The following CHRM5 variants were observed in gnomAD, a reference collection of about 807,000 sequenced individuals.
CHRM5 encodes the protein cholinergic receptor muscarinic 5, also known as muscarinic acetylcholine receptor M5.
CHRM5 carries 18 observed loss-of-function variants against 39.0 expected under a neutral mutation model. The ratio of observed to expected loss-of-function variants is 0.46; its 90% CI spans 0.32 to 0.68. The LOEUF is 0.68. Among genes scored for constraint, CHRM5 ranks in the 30% least tolerant of loss-of-function variants. CHRM5 has a pLI of 0.04. For missense variants in CHRM5, 515 were observed against 651.1 expected, an observed-to-expected ratio of 0.79 and a Z score of 2.28; for synonymous variants, 241 against 246.3, an observed-to-expected ratio of 0.98 and a Z score of 0.20.
chr15:34,043,976 T>G (rs1048760703), intron 1 of CHRM5, among the ~76,000 whole-genome samples: 1 of 152,074 alleles, frequency 6.6e-6, no homozygotes, highest in Non-Finnish European at 1.5e-5. Context: ...TGTGATCACC[T>G]ACTTGGGGAC....
At position 34,063,290 on chromosome 15, in the gene CHRM5, C is replaced by T. The variant is rs139101467; in HGVS notation, c.573C>T (p.Pro191=). 832 of 1,614,144 alleles carry T rather than the reference C, an allele frequency of 5.2e-4. 4 individuals are homozygous for T. The African/African-American group carries it at 0.01, about 20-fold the overall frequency. Residue 191 remains proline (P), a synonymous_variant, in exon 3 of 3, where the codon CCC becomes CCT. Coordinates refer to ENST00000383263, the MANE Select transcript of CHRM5 (RefSeq NM_012125.4). This position sits in a 1 kb window ranked among gnomAD's most constrained non-coding sequence, Gnocchi z 4.1. ...DECQIQFLSE[P]TITFGTAIAA... ...GCCAGATCCAGTTTCTCTCTGAGCC[C>T]ACCATCACTTTTGGCACTGCCATTG...
chr15:33,988,781 C>T (rs1034741446), intron 1 of CHRM5, among the ~76,000 whole-genome samples: 1 of 152,234 alleles, frequency 6.6e-6, no homozygotes, highest in African/African-American at 2.4e-5. Flanking sequence ...AATGACCTTG[C>T]TCTATCCCAT....
chr15:33,976,603 C>A (rs1895900188), intron 1 of CHRM5, among the ~76,000 whole-genome samples: 1 of 152,030 alleles, frequency 6.6e-6, no homozygotes, highest in Non-Finnish European at 1.5e-5. Flanking sequence ...ATTTATATAT[C>A]TTTATTTAGG....
intron 1 of CHRM5, among the ~76,000 whole-genome samples, chr15:34,035,831 A>G (rs116060019): frequency 0.02 from 3,064 of 152,150 alleles, 111 homozygotes; most frequent in African/African-American, 0.065. Context: ...GTCTCACTCT[A>G]TTGCCCAGGC....
intron 1 of CHRM5, among the ~76,000 whole-genome samples, chr15:33,983,158 G>GTATA (rs775545239): frequency 0.14 from 18,610 of 136,208 alleles, 1,680 homozygotes; most frequent in South Asian, 0.26. Context: ...GTGTGTGTGT[G>GTATA]TATGTGTGTG....
chr15:34,003,137 T>C, intron 1 of CHRM5: 1 of 1,613,926 alleles, frequency 6.2e-7, no homozygotes, highest in Non-Finnish European at 8.5e-7. Context: ...TTAGAGACAA[T>C]CTTTCTTTTA....
At chr15:34,044,876 C>T (rs887834167) in intron 1 of CHRM5, among the ~76,000 whole-genome samples, 2 of 152,100 alleles carry the variant, frequency 1.3e-5, no homozygotes, top group African/African-American at 4.8e-5. Flanking sequence ...GGGTGAAACC[C>T]CGTCTCTTAA....
Position 33,992,967 on chromosome 15 carries a change from G to A in CHRM5, c.-408+23817G>A, listed in dbSNP as rs1035976954. Reference sequence around the variant, plus strand: ...GACCAAACTGCAGTCTGGTTATTTCGTTTTTATTTGTATCTCTAAAAATAG... The same window carrying A: ...GACCAAACTGCAGTCTGGTTATTTCATTTTTATTTGTATCTCTAAAAATAG... On this transcript the variant is annotated intron_variant, in intron 1 of 2. Transcript: ENST00000383263. Among the ~76,000 whole-genome samples the A allele has an allele frequency of 4.6e-5, 7 of 152,146 alleles. No homozygotes were observed. The South Asian group carries it at 6.2e-4, about 14-fold the overall frequency.
intron 1 of CHRM5, among the ~76,000 whole-genome samples, chr15:33,973,683 A>T (rs553112752): frequency 6.6e-6 from 1 of 152,330 alleles, no homozygotes; most frequent in African/African-American, 2.4e-5. Flanking sequence ...CTCTATAAAA[A>T]AATCTAAAAG....
chr15:33,973,719 T>G (rs1037779689), intron 1 of CHRM5, among the ~76,000 whole-genome samples: 1 of 152,208 alleles, frequency 6.6e-6, no homozygotes, highest in Non-Finnish European at 1.5e-5. Context: ...AATCTATTTA[T>G]ATAGTTGTCT....
chr15:33,997,452 G>C (rs944841618), intron 1 of CHRM5, among the ~76,000 whole-genome samples: 1 of 152,070 alleles, frequency 6.6e-6, no homozygotes, highest in African/African-American at 2.4e-5. Context: ...AAACTCCAAA[G>C]ACGAGGTCTC....
chr15:34,033,438 G>A (rs879633771), intron 1 of CHRM5, among the ~76,000 whole-genome samples: 5 of 151,750 alleles, frequency 3.3e-5, no homozygotes, highest in Non-Finnish European at 5.9e-5. Flanking sequence ...CCCAAGAGGC[G>A]GAGATTGCAG....
At chr15:34,019,438 TA>T (rs924369477) in intron 1 of CHRM5, among the ~76,000 whole-genome samples, 1 of 152,176 alleles carries the variant, frequency 6.6e-6, no homozygotes, top group African/African-American at 2.4e-5. Context: ...GCTAATTATT[TA>T]AAAAAAGCAT....
chr15:33,984,190 TA>T (rs1417747559), intron 1 of CHRM5, among the ~76,000 whole-genome samples: 2 of 152,156 alleles, frequency 1.3e-5, no homozygotes, highest in Non-Finnish European at 2.9e-5. Flanking sequence ...CATGGTTATA[TA>T]AAATAATAAT....
chr15:34,045,779 A>T (rs1267389374), intron 1 of CHRM5, among the ~76,000 whole-genome samples: 1 of 152,114 alleles, frequency 6.6e-6, no homozygotes, highest in Non-Finnish European at 1.5e-5. Flanking sequence ...AGTCCACTCG[A>T]CAAGAAAAGG....
chr15:34,062,840 C>G lies in CHRM5; in HGVS notation c.123C>G (p.Ser41Arg). 6.2e-7 allele frequency: 1 copy of G among 1,614,254 alleles called. No individual in the cohort carries two copies. The highest frequency in any genetic ancestry group is 8.5e-7 in the Non-Finnish European group (1 of 1,180,048). The change falls in exon 3 of 3, where the codon AGC becomes AGG. Residue 41 changes from serine to arginine, a missense_variant. Coordinates refer to ENST00000383263, the MANE Select transcript of CHRM5 (RefSeq NM_012125.4). ...ITIAAVTAVV[S>R]LITIVGNVLV... Reference sequence around the variant, plus strand: ...TTGCAGCTGTGACTGCTGTGGTAAGCCTGATCACCATTGTGGGCAATGTCT... The same window carrying G: ...TTGCAGCTGTGACTGCTGTGGTAAGGCTGATCACCATTGTGGGCAATGTCT...
intron 2 of CHRM5, among the ~76,000 whole-genome samples, chr15:34,053,181 T>A (rs1037485593): frequency 6.7e-6 from 1 of 149,932 alleles, no homozygotes; most frequent in East Asian, 2.0e-4. Context: ...GTGCCTACAG[T>A]CCCAGCTACT....
At chr15:33,980,085 T>C (rs1473713517) in intron 1 of CHRM5, among the ~76,000 whole-genome samples, 1 of 152,226 alleles carries the variant, frequency 6.6e-6, no homozygotes, top group Non-Finnish European at 1.5e-5. Context: ...ATCCATGATA[T>C]TGTTTAACAT....
chr15:34,025,131 C>G (rs1898398630), intron 1 of CHRM5, among the ~76,000 whole-genome samples: 2 of 151,748 alleles, frequency 1.3e-5, no homozygotes, highest in East Asian at 3.9e-4. Context: ...GATCGCACCA[C>G]TGCACTCCAC....
Sources: allele counts gnomAD v4.1 joint callset (sites outside exome capture counted in the v4.1 genomes callset), GRCh38; gene constraint gnomAD v4.1.1; non-coding constraint Gnocchi (gnomAD v3.1); transcripts MANE v1.5; gene names NCBI Gene and HGNC (gene_info 2026-07-23, HGNC 2026-07-21).